Variants in TMEM178A observed in about 807,000 individuals in gnomAD.
TMEM178A encodes the protein transmembrane protein 178A, also known as transmembrane protein 178.
A neutral mutation model predicts 29.1 loss-of-function variants in TMEM178A; 12 were observed. The observed-to-expected ratio is 0.41, with a 90% confidence interval of 0.26 to 0.67. The LOEUF (loss-of-function observed/expected upper bound fraction) is 0.67. Ranked by LOEUF, TMEM178A falls within the 30% of genes least tolerant of loss-of-function variation. The pLI, the probability that TMEM178A is intolerant of heterozygous loss-of-function variation, is 0.29. For missense variants in TMEM178A, 366 were observed against 419.1 expected (o/e 0.87, Z 1.11); for synonymous variants, 210 against 187.2 (o/e 1.12, Z -0.99).
the TMEM178A span, among the ~76,000 whole-genome samples, chr2:39,733,328 G>C: frequency 5.3e-5 from 8 of 152,214 alleles, no homozygotes; most frequent in Non-Finnish European, 1.2e-4. Context: ...GTTCATACAT[G>C]ATTTTTTCTT....
chr2:39,720,555 G>A (rs1672683317), downstream of TMEM178A, among the ~76,000 whole-genome samples: 1 of 152,172 alleles, frequency 6.6e-6, no homozygotes, highest in African/African-American at 2.4e-5. Context: ...ATGCTGCATT[G>A]CTTCAAATCC....
In TMEM178A at chr2:39,702,985, C is replaced by T. The variant is rs142913952; in HGVS notation, c.401-1096C>T. ...CTTAGGGAAGATGATCCTGTAGGTA[C>T]ATTCACAGGAGGGACTGGGGCTCAT... On this transcript the variant is annotated intron_variant, in intron 1 of 3. Coordinates refer to ENST00000281961, the MANE Select transcript of TMEM178A (RefSeq NM_152390.3). Among the ~76,000 whole-genome samples, 601 of 152,300 alleles carry T rather than the reference C, an allele frequency of 3.9e-3. 3 individuals carry two copies. Among genetic ancestry groups the T allele is most frequent in the African/African-American group, 0.013 (537 of 41,560 alleles).
downstream of TMEM178A, among the ~76,000 whole-genome samples, chr2:39,721,408 G>A (rs994744649): frequency 6.6e-6 from 1 of 152,150 alleles, no homozygotes; most frequent in African/African-American, 2.4e-5. Context: ...CATTTTTTCT[G>A]TTTTTATTTC....
intron 3 of TMEM178A, among the ~76,000 whole-genome samples, chr2:39,708,978 TC>T (rs1672184254): frequency 6.6e-6 from 1 of 152,148 alleles, no homozygotes; most frequent in South Asian, 2.1e-4. Context: ...GAACTAATAT[TC>T]CCCGAGATAG....
At chr2:39,713,957 A>G (rs1412482356) in intron 3 of TMEM178A, among the ~76,000 whole-genome samples, 2 of 152,186 alleles carry the variant, frequency 1.3e-5, no homozygotes, top group African/African-American at 2.4e-5. Context: ...AGCTTGTTGG[A>G]AAAGTTGGAA....
chr2:39,712,823 C>G (rs942894245), intron 3 of TMEM178A, among the ~76,000 whole-genome samples: 2 of 152,232 alleles, frequency 1.3e-5, no homozygotes. Flanking sequence ...TTTGAACTTT[C>G]TGAATGCAGA....
chr2:39,734,501 C>T, the TMEM178A span, among the ~76,000 whole-genome samples: 1 of 152,216 alleles, frequency 6.6e-6, no homozygotes, highest in Non-Finnish European at 1.5e-5. Context: ...TTTCATGCCA[C>T]CTAAATACTG....
Position 39,666,184 on chromosome 2 carries a change from G to A in TMEM178A, c.210G>A (p.Ser70=). The part of the protein sequence containing the change: ...MPLSHLPLRD[S]PPLGRRLLPG... ...TGTCGCACCTGCCGCTGCGGGACTC[G>A]CCCCCGCTGGGGCGCCGGCTGCTCC... Residue 70 remains serine (S), a synonymous_variant, in exon 1 of 4, where the codon TCG becomes TCA. Coordinates refer to ENST00000281961, the MANE Select transcript of TMEM178A (RefSeq NM_152390.3). 1 of 1,458,904 alleles carries A rather than the reference G, an allele frequency of 6.9e-7. No homozygotes were observed. Among genetic ancestry groups the A allele is most frequent in the Non-Finnish European group, 9.0e-7 (1 of 1,109,312 alleles). The allele number at this position is 1,458,904 out of a possible 1,614,324, so 90.4% of individuals were successfully genotyped here.
chr2:39,694,100 G>A (rs1257715235), intron 1 of TMEM178A, among the ~76,000 whole-genome samples: 1 of 150,794 alleles, frequency 6.6e-6, no homozygotes, highest in Non-Finnish European at 1.5e-5. Flanking sequence ...ACTCACCTGA[G>A]TCTTGCCTTT....
chr2:39,728,850 C>G, the TMEM178A span, among the ~76,000 whole-genome samples: 11 of 152,174 alleles, frequency 7.2e-5, no homozygotes, highest in East Asian at 2.1e-3. Context: ...TATTCAAAAT[C>G]TTTGGGAGGC....
chr2:39,709,649 C>T (rs932572322), intron 3 of TMEM178A, among the ~76,000 whole-genome samples: 1 of 152,164 alleles, frequency 6.6e-6, no homozygotes, highest in African/African-American at 2.4e-5. Context: ...ATTTAAAAAT[C>T]TCCCCCGTTT....
intron 1 of TMEM178A, among the ~76,000 whole-genome samples, chr2:39,698,380 T>G (rs1671642372): frequency 6.6e-6 from 1 of 152,234 alleles, no homozygotes. Flanking sequence ...AGCAAATGGA[T>G]TTTGTCAAAT....
At chr2:39,709,244 G>A (rs1672197173) in intron 3 of TMEM178A, among the ~76,000 whole-genome samples, 1 of 152,198 alleles carries the variant, frequency 6.6e-6, no homozygotes, top group Admixed American at 6.5e-5. Context: ...CACAGGCAGG[G>A]ATCCTTCCTT....
At chr2:39,696,750 A>C (rs181887025) in intron 1 of TMEM178A, among the ~76,000 whole-genome samples, 3 of 152,180 alleles carry the variant, frequency 2.0e-5, no homozygotes, top group African/African-American at 7.2e-5. Flanking sequence ...CTTGGAACTC[A>C]GTATTGAAAA....
At chr2:39,701,388 CA>C (rs1671775315) in intron 1 of TMEM178A, among the ~76,000 whole-genome samples, 1 of 152,074 alleles carries the variant, frequency 6.6e-6, no homozygotes, top group African/African-American at 2.4e-5. Context: ...TTCTGGCCTC[CA>C]TGATTTCTGA....
At chr2:39,665,666 G>C (rs1390412208), upstream of TMEM178A, 2 of 294,884 alleles carry the variant, frequency 6.8e-6, no homozygotes, top group African/African-American at 4.8e-5. Flanking sequence ...AGAGGAGTGC[G>C]CGGGGTGGGG....
intron 3 of TMEM178A, among the ~76,000 whole-genome samples, chr2:39,711,447 G>A (rs1356632423): frequency 2.0e-5 from 3 of 152,006 alleles, no homozygotes; most frequent in Non-Finnish European, 2.9e-5. Flanking sequence ...CCCTTGGTGG[G>A]GGTCTCACTG....
At chr2:39,673,984 G>A (rs997205687) in intron 1 of TMEM178A, among the ~76,000 whole-genome samples, 3 of 152,076 alleles carry the variant, frequency 2.0e-5, no homozygotes, top group Admixed American at 2.0e-4. Flanking sequence ...CTAAGTGAGT[G>A]GGGGCAGGCT....
rs1452931841 is a variant in TMEM178A at position 39,673,078 on chromosome 2, ATATAATCACAGATTTTCAGAT to A, written c.400+6719_400+6739del. On this transcript the variant is annotated intron_variant, in intron 1 of 3. Coordinates refer to ENST00000281961, the MANE Select transcript of TMEM178A (RefSeq NM_152390.3). Reference sequence around the variant, plus strand: ...GATAATCAGCTTATAATTACAGATTATATAATCACAGATTTTCAGATTATAATCACAGATTATTCATGCCAG... The same window carrying A: ...GATAATCAGCTTATAATTACAGATTATATAATCACAGATTATTCATGCCAG... Among the ~76,000 whole-genome samples the A allele has an allele frequency of 7.9e-5, 12 of 152,336 alleles. No individual in the cohort carries two copies. In the South Asian group the frequency reaches 2.5e-3, roughly 32 times the overall value.
Sources: gnomAD v4.1 joint callset for allele counts (sites outside exome capture counted in the v4.1 genomes callset) on GRCh38, gnomAD v4.1.1 for gene constraint, MANE v1.5 for transcripts, NCBI Gene and HGNC (gene_info 2026-07-23, HGNC 2026-07-21) for gene names.